Variants in PDE5A observed in about 807,000 individuals in gnomAD.
PDE5A encodes phosphodiesterase 5A.
In PDE5A, 67 loss-of-function variants were observed where a neutral mutation model predicts 110.2. That is an observed-to-expected ratio of 0.61 (90% CI 0.50 to 0.75). The LOEUF (loss-of-function observed/expected upper bound fraction) is 0.75, where lower values mean the gene tolerates loss of function less well. Ranked by LOEUF, PDE5A falls within the 30% of genes least tolerant of loss-of-function variation. PDE5A has a pLI of 0.00. For synonymous variants in PDE5A, 328 were observed against 351.2 expected, an observed-to-expected ratio of 0.93 and a Z score of 0.74; for missense variants, 862 against 1,045.1, an observed-to-expected ratio of 0.82 and a Z score of 2.42.
intron 3 of PDE5A, among the ~76,000 whole-genome samples, chr4:119,593,986 G>C (rs1263739656): frequency 1.3e-5 from 2 of 152,086 alleles, no homozygotes; most frequent in Non-Finnish European, 2.9e-5. Context: ...AACAGCATGG[G>C]GGAAAACGCC....
intron 2 of PDE5A, among the ~76,000 whole-genome samples, chr4:119,602,833 T>C (rs920078527): frequency 1.3e-5 from 2 of 152,232 alleles, no homozygotes; most frequent in African/African-American, 2.4e-5. Flanking sequence ...AGCTACATGG[T>C]CAAGGCCACA....
chr4:119,552,509 T>A, intron 9 of PDE5A, 41 bp downstream of exon 9: 1 of 761,294 alleles, frequency 1.3e-6, no homozygotes, highest in Non-Finnish European at 2.0e-6. Flanking sequence ...AATACATTTT[T>A]AAAAATAAGT....
chr4:119,617,212 T>A (rs1729972536), intron 1 of PDE5A, among the ~76,000 whole-genome samples: 2 of 152,056 alleles, frequency 1.3e-5, no homozygotes, highest in Admixed American at 1.3e-4. Context: ...ACACCTTATG[T>A]TTTGGGTTTT....
chr4:119,544,157 T>TTAAG (rs1250995335), intron 9 of PDE5A, among the ~76,000 whole-genome samples: 1 of 152,194 alleles, frequency 6.6e-6, no homozygotes, highest in Non-Finnish European at 1.5e-5. Context: ...CGGTTGCACA[T>TTAAG]TAAGCCCCTT....
At chr4:119,546,551 C>G (rs182155516) in intron 9 of PDE5A, among the ~76,000 whole-genome samples, 28 of 151,968 alleles carry the variant, frequency 1.8e-4, no homozygotes, top group Admixed American at 1.8e-3. Flanking sequence ...AATTTAATTT[C>G]TGAAAGGGCA....
intron 7 of PDE5A, among the ~76,000 whole-genome samples, chr4:119,555,692 GA>G (rs1442653335): frequency 1.3e-5 from 2 of 151,810 alleles, no homozygotes; most frequent in South Asian, 4.2e-4. Context: ...TAGGAGCCAG[GA>G]AAAAATCCAA....
At chr4:119,548,944 T>C (rs559503815) in intron 9 of PDE5A, 14 of 152,276 alleles carry the variant, frequency 9.2e-5, no homozygotes, top group African/African-American at 3.1e-4. Context: ...AACAAATGAA[T>C]AGTGATATTG....
chr4:119,604,043 G>A (rs1048326349), intron 2 of PDE5A, among the ~76,000 whole-genome samples: 1 of 152,130 alleles, frequency 6.6e-6, no homozygotes, highest in Admixed American at 6.5e-5. Context: ...ATGTAAATTA[G>A]ATCACAGATC....
intron 3 of PDE5A, among the ~76,000 whole-genome samples, chr4:119,586,653 T>C (rs1728775897): frequency 6.6e-6 from 1 of 152,224 alleles, no homozygotes; most frequent in East Asian, 1.9e-4. Flanking sequence ...AGAAATGTTT[T>C]ATACTTCTCT....
chr4:119,584,845 A>T (rs1213353727), intron 3 of PDE5A, among the ~76,000 whole-genome samples: 1 of 152,244 alleles, frequency 6.6e-6, no homozygotes, highest in African/African-American at 2.4e-5. Flanking sequence ...CTGTCAACAG[A>T]GGCAGAAAAC....
chr4:119,590,329 C>T (rs1377666309), intron 3 of PDE5A, among the ~76,000 whole-genome samples: 4 of 152,164 alleles, frequency 2.6e-5, no homozygotes, highest in African/African-American at 4.8e-5. Flanking sequence ...TATTTCCAAA[C>T]TCCTACCCCA....
chr4:119,554,877 T>C (rs1293051909), intron 7 of PDE5A, among the ~76,000 whole-genome samples: 1 of 152,202 alleles, frequency 6.6e-6, no homozygotes, highest in Non-Finnish European at 1.5e-5. Context: ...ACTACATCAT[T>C]TTATACAAGG....
intron 11 of PDE5A, among the ~76,000 whole-genome samples, chr4:119,530,324 C>G (rs898923626): frequency 4.6e-5 from 7 of 152,056 alleles, no homozygotes; most frequent in Non-Finnish European, 8.8e-5. Context: ...CCTAAAACAG[C>G]CTATTTCTTG....
intron 3 of PDE5A, among the ~76,000 whole-genome samples, chr4:119,574,774 G>C (rs1728272098): frequency 6.6e-6 from 1 of 152,116 alleles, no homozygotes; most frequent in South Asian, 2.1e-4. Context: ...TCAAGGAAAA[G>C]TGAATAATAA....
chr4:119,507,799 C>A (rs984815855), intron 15 of PDE5A, 95 bp from the exon 16 acceptor site: 2 of 755,782 alleles, frequency 2.6e-6, no homozygotes, highest in African/African-American at 3.7e-5. Context: ...AACACATGCC[C>A]AGTATTCTAA....
chr4:119,600,736 A>G (rs1024555534), intron 2 of PDE5A, among the ~76,000 whole-genome samples: 1 of 152,218 alleles, frequency 6.6e-6, no homozygotes, highest in South Asian at 2.1e-4. Flanking sequence ...AGGAGAAGGC[A>G]AAACTCTCTC....
chr4:119,610,293 C>G (rs1729699142), intron 1 of PDE5A, among the ~76,000 whole-genome samples: 2 of 152,096 alleles, frequency 1.3e-5, no homozygotes, highest in Admixed American at 6.5e-5. Flanking sequence ...AAGCTGCCAA[C>G]AGTGCATAGG....
At chr4:119,501,322 A>AT (rs1455948362) in intron 19 of PDE5A, 69 bp from the exon 20 acceptor site, 4 of 940,028 alleles carry the variant, frequency 4.3e-6, no homozygotes, top group Admixed American at 3.9e-5. Context: ...TTACTTTATT[A>AT]TTTTTTGAGA....
chr4:119,617,268 G>A (rs1729973738), intron 1 of PDE5A, among the ~76,000 whole-genome samples: 1 of 152,066 alleles, frequency 6.6e-6, no homozygotes, highest in Non-Finnish European at 1.5e-5. Flanking sequence ...TCTTCCAAAT[G>A]CCCTCTATCT....
Sources: gnomAD v4.1 joint callset for allele counts (sites outside exome capture counted in the v4.1 genomes callset) on GRCh38, gnomAD v4.1.1 for gene constraint, MANE v1.5 for transcripts, NCBI Gene and HGNC (gene_info 2026-07-23, HGNC 2026-07-21) for gene names.